The following MAP3K2 variants were observed in gnomAD, a reference collection of about 807,000 sequenced individuals.
MAP3K2 encodes the protein MAP/ERK kinase kinase 2.
Under a neutral mutation model 80.3 loss-of-function variants are expected in MAP3K2, and 24 were observed. The observed-to-expected ratio is 0.30, with a 90% confidence interval of 0.22 to 0.42. The LOEUF (loss-of-function observed/expected upper bound fraction) is 0.42. Ranked by LOEUF, MAP3K2 falls within the 10% of genes least tolerant of loss-of-function variation. The pLI, the probability that MAP3K2 is intolerant of heterozygous loss-of-function variation, is 1.00. For synonymous variants in MAP3K2, 244 were observed against 253.7 expected (o/e 0.96, Z 0.36); for missense variants, 608 against 750.1 (o/e 0.81, Z 2.21).
chr2:127,336,870 G>T (rs1404917451), intron 4 of MAP3K2, among the ~76,000 whole-genome samples: 1 of 152,178 alleles, frequency 6.6e-6, no homozygotes, highest in Admixed American at 6.5e-5. Flanking sequence ...GGCTGGGAGC[G>T]TGGGTCACGC....
Position 127,359,399 on chromosome 2 carries a change from CAA to C in MAP3K2, c.-65-16207_-65-16206del, listed in dbSNP as rs746073323. 1.7e-3 allele frequency among the ~76,000 whole-genome samples: 257 copies of C among 152,216 alleles called. 1 individual carries two copies. The highest frequency in any genetic ancestry group is 2.9e-3 in the Non-Finnish European group (195 of 68,020). ...AATAAACTTCCCTCCTTTTCACCTTCAAAAAGTGAAAGAAACAAAATGAGATT... is the reference window on the plus strand; with the variant it reads ...AATAAACTTCCCTCCTTTTCACCTTCAAAGTGAAAGAAACAAAATGAGATT... On this transcript the variant is annotated intron_variant, in intron 1 of 16. Coordinates refer to ENST00000682094, the MANE Select transcript of MAP3K2 (RefSeq NM_001371910.2).
chr2:127,342,427 GT>G (rs1038104190), intron 2 of MAP3K2, among the ~76,000 whole-genome samples: 6 of 148,060 alleles, frequency 4.1e-5, no homozygotes, highest in African/African-American at 1.3e-4. Flanking sequence ...GTGTGTATTT[GT>G]TTTGTTAAGC....
Position 127,302,142 on chromosome 2 carries a change from AAATC to A in MAP3K2, c.*5433_*5436del, listed in dbSNP as rs1170886830. 1 of 152,200 alleles carries A rather than the reference AAATC, an allele frequency of 6.6e-6. No individual in the cohort carries two copies. Among genetic ancestry groups the A allele is most frequent in the Non-Finnish European group, 1.5e-5 (1 of 68,032 alleles). The allele number at this position is 152,200 out of a possible 1,614,324, so 9.4% of individuals were successfully genotyped here. ...CAAAAAGTTCAGGAAGAACTATGTAAAATCAATTACTTTCTATTTAAGAATTATA... is the reference window on the plus strand; with the variant it reads ...CAAAAAGTTCAGGAAGAACTATGTAAAATTACTTTCTATTTAAGAATTATA... On this transcript the variant is annotated 3_prime_UTR_variant, in exon 17 of 17. Transcript: ENST00000682094.
At chr2:127,388,151 G>A, upstream of MAP3K2, 2 of 985,164 alleles carry the variant, frequency 2.0e-6, no homozygotes, top group Non-Finnish European at 2.4e-6. Context: ...CGGACGGCGC[G>A]GGGATTCCCA....
intron 1 of MAP3K2, among the ~76,000 whole-genome samples, chr2:127,381,011 T>C (rs1687235890): frequency 6.6e-6 from 1 of 152,216 alleles, no homozygotes; most frequent in Non-Finnish European, 1.5e-5. Flanking sequence ...GAACATGCAG[T>C]AAAGTTTAAA....
At position 127,322,414 on chromosome 2, in the gene MAP3K2, C is replaced by T. The variant is rs1331104720; in HGVS notation, c.839-162G>A. Among the ~76,000 whole-genome samples the T allele has an allele frequency of 6.6e-6, 1 of 152,040 alleles. No homozygotes were observed. Among genetic ancestry groups the T allele is most frequent in the Non-Finnish European group, 1.5e-5 (1 of 67,976 alleles). ...GGAAAAAATAAACAGGATCTGAATA[C>T]AAATTCAAATAATCTCTTATGATAA... On this transcript the variant is annotated intron_variant, in intron 11 of 16. Coordinates refer to ENST00000682094, the MANE Select transcript of MAP3K2 (RefSeq NM_001371910.2). The surrounding 1 kb of genome is among the most constrained non-coding windows in gnomAD (Gnocchi z 4.2).
Position 127,323,902 on chromosome 2 carries a change from C to A in MAP3K2, c.838G>T (p.Gly280Cys). The A allele has an allele frequency of 7.1e-7, 1 of 1,413,526 alleles. No homozygotes were observed. The highest frequency in any genetic ancestry group is 1.4e-5 in the South Asian group (1 of 74,046). 87.6% of individuals were successfully genotyped at this position (1,413,526 alleles called of 1,614,324 possible). A position where few individuals can be genotyped will look rare whatever the true frequency, so the allele number is the denominator to read the frequency against. ...TGTGGTCTAATTGCTAGAAACTTAC[C>A]ATCATTATACTCTTGATGATGATAT... ...VSYHHQEYND[G>C]RKTFPRARRT... The change falls in exon 11 of 17, where the codon GGT (glycine) becomes TGT (cysteine). Residue 280 changes from glycine to cysteine, a missense_variant and splice_region_variant. By Grantham distance (159) the Gly-to-Cys change is radical. Coordinates refer to ENST00000682094, the MANE Select transcript of MAP3K2 (RefSeq NM_001371910.2).
chr2:127,333,081 A>G (rs953166885), intron 5 of MAP3K2, among the ~76,000 whole-genome samples: 1 of 151,056 alleles, frequency 6.6e-6, no homozygotes, highest in African/African-American at 2.4e-5. Flanking sequence ...CCAGTAAGCC[A>G]TGACTGTGCC....
chr2:127,352,469 G>T (rs1411763204), intron 1 of MAP3K2, among the ~76,000 whole-genome samples: 2 of 152,128 alleles, frequency 1.3e-5, no homozygotes, highest in Non-Finnish European at 2.9e-5. Flanking sequence ...AGTGTCATTT[G>T]AAGTTTCATT....
intron 1 of MAP3K2, among the ~76,000 whole-genome samples, chr2:127,370,654 TG>T (rs1410009584): frequency 5.9e-5 from 9 of 152,352 alleles, no homozygotes; most frequent in African/African-American, 2.2e-4. Context: ...CCATGGTTCC[TG>T]GAAGAAGGTA....
intron 15 of MAP3K2, among the ~76,000 whole-genome samples, chr2:127,312,485 AC>A (rs1685825113): frequency 6.6e-6 from 1 of 152,102 alleles, no homozygotes; most frequent in African/African-American, 2.4e-5. Flanking sequence ...ACATAGCAAT[AC>A]CCTATCTCTA....
intron 1 of MAP3K2, among the ~76,000 whole-genome samples, chr2:127,356,817 G>A (rs2104867371): frequency 6.6e-6 from 1 of 152,282 alleles, no homozygotes; most frequent in South Asian, 2.1e-4. Flanking sequence ...CACTGGTCTA[G>A]GCAAAGAATT....
chr2:127,342,237 C>T (rs536030398), intron 2 of MAP3K2, among the ~76,000 whole-genome samples: 1 of 152,236 alleles, frequency 6.6e-6, no homozygotes, highest in South Asian at 2.1e-4. Context: ...CAAGGGGGCA[C>T]TGCTACTCAT....
chr2:127,352,368 C>T (rs548614387), intron 1 of MAP3K2, among the ~76,000 whole-genome samples: 2 of 152,146 alleles, frequency 1.3e-5, no homozygotes, highest in Non-Finnish European at 2.9e-5. Flanking sequence ...TGGCAATGCA[C>T]TCTCACGAGT....
intron 1 of MAP3K2, among the ~76,000 whole-genome samples, chr2:127,382,080 G>A (rs1320196486): frequency 6.6e-6 from 1 of 152,140 alleles, no homozygotes; most frequent in East Asian, 1.9e-4. Flanking sequence ...TAAATGCAAT[G>A]AATAAACTTT....
At chr2:127,371,383 G>C (rs552089733) in intron 1 of MAP3K2, among the ~76,000 whole-genome samples, 7 of 152,152 alleles carry the variant, frequency 4.6e-5, no homozygotes, top group African/African-American at 1.7e-4. Context: ...GTCTTTGTGC[G>C]CTCTCGGGGC....
At chr2:127,313,358 G>T (rs1378868687) in intron 15 of MAP3K2, among the ~76,000 whole-genome samples, 1 of 152,184 alleles carries the variant, frequency 6.6e-6, no homozygotes, top group Non-Finnish European at 1.5e-5. Context: ...TACTTAACAA[G>T]GGAGGTCTGC....
At chr2:127,376,019 A>C (rs1275698923) in intron 1 of MAP3K2, among the ~76,000 whole-genome samples, 1 of 152,212 alleles carries the variant, frequency 6.6e-6, no homozygotes, top group African/African-American at 2.4e-5. Flanking sequence ...CCTACTGCAC[A>C]TATCTGTACT....
intron 1 of MAP3K2, among the ~76,000 whole-genome samples, chr2:127,375,059 C>G (rs892825112): frequency 2.6e-5 from 4 of 152,118 alleles, no homozygotes; most frequent in Non-Finnish European, 5.9e-5. Context: ...GAAATAAAAC[C>G]TGCAGTTTTA....
Sources: allele counts gnomAD v4.1 joint callset (sites outside exome capture counted in the v4.1 genomes callset), GRCh38; gene constraint gnomAD v4.1.1; non-coding constraint Gnocchi (gnomAD v3.1); transcripts MANE v1.5; gene names NCBI Gene and HGNC (gene_info 2026-07-23, HGNC 2026-07-21).